Variants in NOTCH1 observed in about 807,000 individuals in gnomAD.
NOTCH1 encodes the protein notch receptor 1.
Under a neutral mutation model 254.8 loss-of-function variants are expected in NOTCH1, and 37 were observed. That is an observed-to-expected ratio of 0.15 (90% CI 0.11 to 0.19). The LOEUF is 0.19. NOTCH1 is among the 10% of genes least tolerant of loss of function. The pLI is 1.00. For synonymous variants in NOTCH1, 1,731 were observed against 1,618.1 expected (o/e 1.07, Z -1.68); for missense variants, 2,972 against 3,708.6 (o/e 0.80, Z 5.16).
Position 136,494,987 on chromosome 9 carries a change from G to A in NOTCH1, c.*1084C>T. The A allele has an allele frequency of 2.5e-6, 1 of 398,896 alleles. No individual in the cohort carries two copies. The highest frequency in any genetic ancestry group is 3.5e-5 in the East Asian group (1 of 28,202). The allele number at this position is 398,896 out of a possible 1,614,324, so 24.7% of individuals were successfully genotyped here. Reference sequence around the variant, plus strand: ...ACCAAAGGACGCAGCCCACGGCGTTGCACAGCTCAATGTGCCCGGCTCTGG... The same window carrying A: ...ACCAAAGGACGCAGCCCACGGCGTTACACAGCTCAATGTGCCCGGCTCTGG... On this transcript the variant is annotated 3_prime_UTR_variant, in exon 34 of 34. Transcript: ENST00000651671.
chr9:136,500,475 C>G (rs1391787954), intron 31 of NOTCH1, 77 bp downstream of exon 31: 4 of 1,564,886 alleles, frequency 2.6e-6, no homozygotes, highest in Middle Eastern at 2.0e-4. Flanking sequence ...CCCAGGGCCA[C>G]GTAAGCCTGG....
At chr9:136,502,835 C>T in intron 27 of NOTCH1, 1 of 574,258 alleles carries the variant, frequency 1.7e-6, no homozygotes, top group South Asian at 1.9e-5. Flanking sequence ...CTTCACATGA[C>T]ACCGATCAAT....
Position 136,513,022 on chromosome 9 carries a change from T to G in NOTCH1, c.2466A>C (p.Thr822=), listed in dbSNP as rs755286299. 23 of 752,928 alleles carry G rather than the reference T, an allele frequency of 3.1e-5. No homozygotes were observed. Among genetic ancestry groups the G allele is most frequent in the Non-Finnish European group, 3.9e-5 (22 of 564,106 alleles). 46.6% of individuals were successfully genotyped at this position (752,928 alleles called of 1,614,324 possible). A position where few individuals can be genotyped will look rare whatever the true frequency, so the allele number is the denominator to read the frequency against. The change falls in exon 15 of 34, where the codon ACA becomes ACC. Residue 822 remains threonine (T), a splice_region_variant and synonymous_variant. Coordinates refer to ENST00000651671, the MANE Select transcript of NOTCH1 (RefSeq NM_017617.5). This position sits in a 1 kb window ranked among gnomAD's most constrained non-coding sequence, Gnocchi z 4.7. ...GCACAGGCCCCACCCACCCCTCACCTGTGTAGGGCAGCAGGCAGTTGCACT... is the reference window on the plus strand; with the variant it reads ...GCACAGGCCCCACCCACCCCTCACCGGTGTAGGGCAGCAGGCAGTTGCACT... ...GYKCNCLLPY[T]GATCEVVLAP...
chr9:136,528,517 G>A (rs1843509763), intron 2 of NOTCH1, among the ~76,000 whole-genome samples: 1 of 148,806 alleles, frequency 6.7e-6, no homozygotes, highest in East Asian at 2.1e-4. Context: ...TGAGGGGGAT[G>A]GGCAGGGACA....
chr9:136,504,871 T>C lies in NOTCH1; in HGVS notation c.4820A>G (p.Lys1607Arg), dbSNP rs1005968621. ...SRVLHTNVVF[K>R]RDAHGQQMIF... Reference sequence around the variant, plus strand: ...CATCTGCTGGCCGTGTGCGTCACGCTTGAAGACCACGTTGGTGTGCAGCAC... The same window carrying C: ...CATCTGCTGGCCGTGTGCGTCACGCCTGAAGACCACGTTGGTGTGCAGCAC... The change falls in exon 26 of 34, where the codon AAG becomes AGG. Residue 1607 changes from lysine (K) to arginine (R), a missense_variant. Lys to Arg is a conservative substitution (Grantham distance 26). This residue lies in a region of NOTCH1 where 1,343 missense variants were observed against 1,557.0 expected (regional missense o/e 0.86). Coordinates refer to ENST00000651671, the MANE Select transcript of NOTCH1 (RefSeq NM_017617.5). 2.5e-6 allele frequency: 4 copies of C among 1,584,408 alleles called. No individual in the cohort carries two copies. The highest frequency in any genetic ancestry group is 1.7e-4 in the Middle Eastern group (1 of 6,038).
chr9:136,502,999 T>C, intron 27 of NOTCH1, 183 bp downstream of exon 27: 3 of 870,612 alleles, frequency 3.4e-6, no homozygotes, highest in Non-Finnish European at 1.9e-6. Context: ...CACCGGCAGC[T>C]GTGACCGCCG....
chr9:136,531,444 G>A (rs979928606), intron 2 of NOTCH1, among the ~76,000 whole-genome samples: 9 of 152,184 alleles, frequency 5.9e-5, no homozygotes, highest in Admixed American at 5.2e-4. Flanking sequence ...CGTGTCCCCC[G>A]CACCCCCAGC....
At position 136,505,038 on chromosome 9, in the gene NOTCH1, G is replaced by A. The variant is rs368495371; in HGVS notation, c.4653C>T (p.Ser1551=). ...SDGHCDQGCN[S]AECEWDGLDC... is the part of the protein sequence containing the mutation. ...CCAGCCCGTCCCACTCGCACTCCGCGCTGTTGCAGCCCTGGTCGCAGTGCC... is the reference window on the plus strand; with the variant it reads ...CCAGCCCGTCCCACTCGCACTCCGCACTGTTGCAGCCCTGGTCGCAGTGCC... The change falls in exon 26 of 34, where the codon AGC becomes AGT. Residue 1551 remains serine, a synonymous_variant. Transcript: ENST00000651671. The A allele has an allele frequency of 1.4e-4, 230 of 1,610,214 alleles. 1 individual carries two copies. The African/African-American group carries it at 1.7e-3, about 12-fold the overall frequency.
chr9:136,534,451 G>A (rs1007232032), intron 2 of NOTCH1, among the ~76,000 whole-genome samples: 3 of 152,156 alleles, frequency 2.0e-5, no homozygotes, highest in African/African-American at 7.2e-5. Flanking sequence ...CAACCTCAGT[G>A]CCAGGCGGAG....
At position 136,503,195 on chromosome 9, in the gene NOTCH1, G is replaced by A. The variant is rs755764089; in HGVS notation, c.5154C>T (p.Ile1718=). The A allele has an allele frequency of 4.3e-6, 7 of 1,612,702 alleles. No individual in the cohort carries two copies. Among genetic ancestry groups the A allele is most frequent in the African/African-American group, 2.7e-5 (2 of 74,920 alleles). The change falls in exon 27 of 34, where the codon ATC becomes ATT. Residue 1718 remains isoleucine, a synonymous_variant. Coordinates refer to ENST00000651671, the MANE Select transcript of NOTCH1 (RefSeq NM_017617.5). Reference sequence around the variant, plus strand: ...GGCCACACTTACTCTGCACGGCCTCGATCTTGTAGGGGATGTTGAGGCTGC... The same window carrying A: ...GGCCACACTTACTCTGCACGGCCTCAATCTTGTAGGGGATGTTGAGGCTGC... The part of the protein sequence containing the change: ...SLGSLNIPYK[I]EAVQSETVEP...
At position 136,501,917 on chromosome 9, in the gene NOTCH1, C is replaced by T. The variant is rs2133329363; in HGVS notation, c.5473-4G>A. 6.2e-7 allele frequency: 1 copy of T among 1,611,662 alleles called. No individual in the cohort carries two copies. The highest frequency in any genetic ancestry group is 1.1e-5 in the South Asian group (1 of 91,084). ...GCAGAACCACGGGCTCCTCGAACTA[C>T]ATAGAGGGAGTGAGCAGAGCCTGTC... On this transcript the variant is annotated splice_polypyrimidine_tract_variant and splice_region_variant and intron_variant, in intron 29 of 33. Transcript: ENST00000651671.
intron 2 of NOTCH1, among the ~76,000 whole-genome samples, chr9:136,533,826 G>A (rs917949337): frequency 2.0e-5 from 3 of 152,276 alleles, no homozygotes; most frequent in East Asian, 1.9e-4. Context: ...TAACCTGACC[G>A]CTTGGGCTGT....
At chr9:136,507,851 G>A in intron 21 of NOTCH1, 104 bp downstream of exon 21, 2 of 1,172,692 alleles carry the variant, frequency 1.7e-6, no homozygotes, top group South Asian at 1.2e-5. Context: ...CAGTGCATGG[G>A]CCTATCAGGT....
At chr9:136,541,491 G>A (rs1843731946) in intron 2 of NOTCH1, among the ~76,000 whole-genome samples, 1 of 152,204 alleles carries the variant, frequency 6.6e-6, no homozygotes, top group South Asian at 2.1e-4. Flanking sequence ...TTCCCACTCA[G>A]GCTGGCAGGG....
intron 2 of NOTCH1, among the ~76,000 whole-genome samples, chr9:136,528,623 C>A (rs1003333532): frequency 6.6e-6 from 1 of 150,450 alleles, no homozygotes; most frequent in East Asian, 2.0e-4. Context: ...GGGGAAGGAA[C>A]GGCCCTGCAC....
intron 19 of NOTCH1, 119 bp from the exon 20 acceptor site, chr9:136,508,504 G>A (rs1843125980): frequency 1.4e-6 from 2 of 1,439,998 alleles, no homozygotes; most frequent in East Asian, 2.3e-5. Flanking sequence ...CTACAGAAGT[G>A]GAAACTGCCG....
In NOTCH1 at chr9:136,523,923, G is replaced by C; in HGVS notation, c.197C>G (p.Thr66Ser). Reference protein sequence around the residue: ...RCQDPNPCLSTPCKNAGTCHV... With the variant: ...RCQDPNPCLSSPCKNAGTCHV... ...GCATGTCCCGGCGTTCTTGCAGGGGGTGCTGAGGCACGGGTTGGGGTCCTG... is the reference window on the plus strand; with the variant it reads ...GCATGTCCCGGCGTTCTTGCAGGGGCTGCTGAGGCACGGGTTGGGGTCCTG... The change falls in exon 3 of 34, where the codon ACC becomes AGC. Residue 66 changes from threonine to serine, a missense_variant. By Grantham distance (58) the Thr-to-Ser change is moderately conservative. Transcript: ENST00000651671. The C allele has an allele frequency of 6.3e-7, 1 of 1,596,114 alleles. No individual in the cohort carries two copies. Among genetic ancestry groups the C allele is most frequent in the Non-Finnish European group, 8.5e-7 (1 of 1,171,988 alleles).
At position 136,504,877 on chromosome 9, in the gene NOTCH1, A is replaced by G. The variant is rs762734252; in HGVS notation, c.4814T>C (p.Val1605Ala). 6.3e-7 allele frequency: 1 copy of G among 1,585,092 alleles called. No homozygotes were observed. Among genetic ancestry groups the G allele is most frequent in the Non-Finnish European group, 8.6e-7 (1 of 1,166,180 alleles). Reference sequence around the variant, plus strand: ...CTGGCCGTGTGCGTCACGCTTGAAGACCACGTTGGTGTGCAGCACGCGGCT... The same window carrying G: ...CTGGCCGTGTGCGTCACGCTTGAAGGCCACGTTGGTGTGCAGCACGCGGCT... The part of the protein sequence containing the change: ...ELSRVLHTNV[V>A]FKRDAHGQQM... The change falls in exon 26 of 34, where the codon GTC becomes GCC. Residue 1605 changes from valine (V) to alanine (A), a missense_variant. Coordinates refer to ENST00000651671, the MANE Select transcript of NOTCH1 (RefSeq NM_017617.5).
chr9:136,517,181 C>T (rs1272318275), intron 9 of NOTCH1, 91 bp downstream of exon 9: 2 of 820,036 alleles, frequency 2.4e-6, no homozygotes, highest in African/African-American at 3.4e-5. Flanking sequence ...TGCAGATGGC[C>T]CGGGGGCAGG....
Sources: gnomAD v4.1 joint callset for allele counts (sites outside exome capture counted in the v4.1 genomes callset) on GRCh38, gnomAD v4.1.1 for gene constraint, gnomAD v4.1.1 regional missense constraint, Gnocchi (gnomAD v3.1) non-coding constraint, MANE v1.5 for transcripts, NCBI Gene and HGNC (gene_info 2026-07-23, HGNC 2026-07-21) for gene names.